The following ABTB2 variants were observed in gnomAD, a reference collection of about 807,000 sequenced individuals.
ABTB2 encodes ankyrin repeat and BTB/POZ domain-containing protein 2.
A neutral mutation model predicts 104.1 loss-of-function variants in ABTB2; 56 were observed. The ratio of observed to expected loss-of-function variants is 0.54; its 90% CI spans 0.43 to 0.67. ABTB2 has a LOEUF of 0.67. Ranked by LOEUF, ABTB2 falls within the 30% of genes least tolerant of loss-of-function variation. The pLI, the probability that ABTB2 is intolerant of heterozygous loss-of-function variation, is 0.00. For synonymous variants in ABTB2, 606 were observed against 608.2 expected (o/e 1.00, Z 0.05); for missense variants, 1,279 against 1,407.7 (o/e 0.91, Z 1.46).
intron 1 of ABTB2, among the ~76,000 whole-genome samples, chr11:34,231,803 T>C (rs11032570): frequency 0.27 from 41,507 of 152,098 alleles, 6,091 homozygotes; most frequent in Non-Finnish European, 0.34. Context: ...ATTCTTGATA[T>C]GATGAGTATG....
At position 34,357,091 on chromosome 11, in the gene ABTB2, C is replaced by G. The variant is rs762873492; in HGVS notation, c.493G>C (p.Val165Leu). 38 of 1,520,466 alleles carry G rather than the reference C, an allele frequency of 2.5e-5. No individual in the cohort carries two copies. The highest frequency in any genetic ancestry group is 2.3e-4 in the Admixed American group (11 of 48,840). 94.2% of individuals were successfully genotyped at this position (1,520,466 alleles called of 1,614,324 possible). A position where few individuals can be genotyped will look rare whatever the true frequency, so the allele number is the denominator to read the frequency against. ...CTCTCGGCCAGCGCCCAGCTGTGCACCAGGCGCACGGCGCTCTGCACCTCA... is the reference window on the plus strand; with the variant it reads ...CTCTCGGCCAGCGCCCAGCTGTGCAGCAGGCGCACGGCGCTCTGCACCTCA... ...RFEVQSAVRL[V>L]HSWALAESCA... The change falls in exon 1 of 17, where the codon GTG (valine) becomes CTG (leucine). Residue 165 changes from valine to leucine, a missense_variant. By Grantham distance (32) the Val-to-Leu change is conservative (BLOSUM62 1). Coordinates refer to ENST00000435224, the MANE Select transcript of ABTB2 (RefSeq NM_145804.3).
intron 3 of ABTB2, among the ~76,000 whole-genome samples, chr11:34,192,429 G>A (rs549789958): frequency 6.6e-6 from 1 of 152,094 alleles, no homozygotes; most frequent in Non-Finnish European, 1.5e-5. Flanking sequence ...CCTTTGAATA[G>A]CAGGGCCCTC....
Position 34,307,703 on chromosome 11 carries a change from T to G in ABTB2, c.883+48998A>C, listed in dbSNP as rs1286230540. Reference sequence around the variant, plus strand: ...GCCTCATAGTTAGGTGACTCTCTGTTTTTTTTTTTTTTTGAGACGGAGTCT... The same window carrying G: ...GCCTCATAGTTAGGTGACTCTCTGTGTTTTTTTTTTTTTGAGACGGAGTCT... On this transcript the variant is annotated intron_variant, in intron 1 of 16. Coordinates refer to ENST00000435224, the MANE Select transcript of ABTB2 (RefSeq NM_145804.3). Among the ~76,000 whole-genome samples, 7 of 59,728 alleles carry G rather than the reference T, an allele frequency of 1.2e-4. No individual in the cohort carries two copies. In the East Asian group the frequency reaches 0.015, roughly 129 times the overall value. 39.2% of individuals were successfully genotyped at this position (59,728 alleles called of 152,430 possible).
At chr11:34,315,302 C>T (rs1189049295) in intron 1 of ABTB2, among the ~76,000 whole-genome samples, 4 of 152,162 alleles carry the variant, frequency 2.6e-5, no homozygotes, top group Admixed American at 6.5e-5. Flanking sequence ...TGAATAAACA[C>T]GCCCAGTTCA....
Position 34,306,982 on chromosome 11 carries a change from TAAAAAAAA to T in ABTB2, c.883+49711_883+49718del, listed in dbSNP as rs61161318. Among the ~76,000 whole-genome samples the T allele has an allele frequency of 9.0e-3, 851 of 94,540 alleles. 14 individuals carry two copies. The highest frequency in any genetic ancestry group is 0.031 in the African/African-American group (788 of 25,114). The allele number at this position is 94,540 out of a possible 152,430, so 62.0% of individuals were successfully genotyped here. On this transcript the variant is annotated intron_variant, in intron 1 of 16. Transcript: ENST00000435224. ...ACAGCTAGCACCATGTCAGGAAACT[TAAAAAAAA>T]AAAAAAAAAAAAAAGAAAGAAAAAA...
At chr11:34,327,515 G>A (rs1855084881) in intron 1 of ABTB2, among the ~76,000 whole-genome samples, 1 of 152,192 alleles carries the variant, frequency 6.6e-6, no homozygotes, top group South Asian at 2.1e-4. Context: ...ACTCACCCCA[G>A]TTCCTTTCCA....
chr11:34,334,984 C>T, intron 1 of ABTB2: 1 of 518,934 alleles, frequency 1.9e-6, no homozygotes, highest in Non-Finnish European at 3.5e-6. Flanking sequence ...TATCACTTAC[C>T]AATGTTGTAA....
At chr11:34,212,329 T>A (rs1202021537) in intron 1 of ABTB2, among the ~76,000 whole-genome samples, 1 of 152,150 alleles carries the variant, frequency 6.6e-6, no homozygotes, top group Admixed American at 6.5e-5. Flanking sequence ...AGTGCTGGGA[T>A]TACAGGCATG....
intron 1 of ABTB2, among the ~76,000 whole-genome samples, chr11:34,292,104 C>A (rs1431624993): frequency 6.6e-6 from 1 of 152,072 alleles, no homozygotes; most frequent in Non-Finnish European, 1.5e-5. Context: ...TCTAAATAGA[C>A]CTTAAGTCAA....
At chr11:34,172,334 T>C (rs1242214224) in intron 4 of ABTB2, among the ~76,000 whole-genome samples, 3 of 132,068 alleles carry the variant, frequency 2.3e-5, no homozygotes, top group Non-Finnish European at 4.6e-5. Flanking sequence ...ATCACACCAT[T>C]GCACTCCAGC....
chr11:34,160,778 A>AGT, intron 11 of ABTB2, 125 bp downstream of exon 11: 1 of 986,874 alleles, frequency 1.0e-6, no homozygotes, highest in Non-Finnish European at 1.4e-6. Context: ...CAGGCGTGTG[A>AGT]GTGTGTGTGC....
intron 1 of ABTB2, among the ~76,000 whole-genome samples, chr11:34,223,221 T>A (rs546303701): frequency 9.2e-5 from 14 of 152,150 alleles, no homozygotes; most frequent in African/African-American, 3.1e-4. Context: ...AATCAGCCTG[T>A]TTCAGCAGAA....
At chr11:34,276,332 C>T (rs751635209) in intron 1 of ABTB2, among the ~76,000 whole-genome samples, 1 of 152,196 alleles carries the variant, frequency 6.6e-6, no homozygotes, top group Non-Finnish European at 1.5e-5. Flanking sequence ...AGATTGCCTT[C>T]CTTCTCCTCA....
intron 3 of ABTB2, among the ~76,000 whole-genome samples, chr11:34,188,066 C>T (rs1181775973): frequency 6.6e-6 from 1 of 152,164 alleles, no homozygotes. Flanking sequence ...CATGTAGCTA[C>T]CTTATTCGCC....
chr11:34,346,491 G>A (rs1855333708), intron 1 of ABTB2, among the ~76,000 whole-genome samples: 1 of 152,180 alleles, frequency 6.6e-6, no homozygotes. Context: ...CCTGAGTACA[G>A]TAATCACAAT....
chr11:34,162,526 G>T, intron 10 of ABTB2, 50 bp downstream of exon 10: 1 of 1,548,984 alleles, frequency 6.5e-7, no homozygotes. Context: ...GTGACCGTGT[G>T]TGTCCATATG....
At chr11:34,241,672 G>C (rs1590227434) in intron 1 of ABTB2, among the ~76,000 whole-genome samples, 1 of 152,172 alleles carries the variant, frequency 6.6e-6, no homozygotes, top group East Asian at 1.9e-4. Flanking sequence ...CAGGAGGATC[G>C]CTTGAGCCCA....
intron 14 of ABTB2, among the ~76,000 whole-genome samples, chr11:34,158,928 G>T (rs1368355547): frequency 6.6e-6 from 1 of 152,208 alleles, no homozygotes; most frequent in Admixed American, 6.5e-5. Context: ...CTGGGGTGGG[G>T]CCTGGGGCTC....
At chr11:34,246,840 CTTTTTTCT>C (rs986257255) in intron 1 of ABTB2, among the ~76,000 whole-genome samples, 12 of 127,392 alleles carry the variant, frequency 9.4e-5, no homozygotes, top group Admixed American at 1.6e-4. Flanking sequence ...TTCTTTTTTT[CTTTTTTCT>C]TTTTTTTTTT....
Sources: gnomAD v4.1 joint callset for allele counts (sites outside exome capture counted in the v4.1 genomes callset) on GRCh38, gnomAD v4.1.1 for gene constraint, MANE v1.5 for transcripts, NCBI Gene and HGNC (gene_info 2026-07-23, HGNC 2026-07-21) for gene names.